The following PPP2CB variants were observed in gnomAD, a reference collection of about 807,000 sequenced individuals.
PPP2CB encodes serine/threonine-protein phosphatase 2A catalytic subunit beta isoform.
A neutral mutation model predicts 39.1 loss-of-function variants in PPP2CB; 18 were observed. The observed-to-expected ratio is 0.46, with a 90% CI of 0.32 to 0.68. The LOEUF (loss-of-function observed/expected upper bound fraction) is 0.68, where lower values mean the gene tolerates loss of function less well. Ranked by LOEUF, PPP2CB falls within the 30% of genes least tolerant of loss-of-function variation. The pLI, the probability that PPP2CB is intolerant of heterozygous loss-of-function variation, is 0.04. For missense variants in PPP2CB, 226 were observed against 396.9 expected, an observed-to-expected ratio of 0.57 and a Z score of 3.66; for synonymous variants, 129 against 133.8, an observed-to-expected ratio of 0.96 and a Z score of 0.25.
intron 1 of PPP2CB, among the ~76,000 whole-genome samples, chr8:30,808,223 C>CGA (rs1377380674): frequency 6.6e-6 from 1 of 151,990 alleles, no homozygotes; most frequent in Non-Finnish European, 1.5e-5. Flanking sequence ...CTCAGCCTCC[C>CGA]GAGTAGCTGG....
At chr8:30,796,892 C>T (rs1806536141) in intron 3 of PPP2CB, among the ~76,000 whole-genome samples, 2 of 152,188 alleles carry the variant, frequency 1.3e-5, no homozygotes, top group African/African-American at 4.8e-5. Flanking sequence ...GTTGCCCAGG[C>T]TGAAGCCCAG....
Position 30,794,173 on chromosome 8 carries a change from T to C in PPP2CB, c.576+19A>G. 1 of 1,610,176 alleles carries C rather than the reference T, an allele frequency of 6.2e-7. No homozygotes were observed. Among genetic ancestry groups the C allele is most frequent in the Non-Finnish European group, 8.5e-7 (1 of 1,178,464 alleles). ...TATATTTTCTTTTCCTTTCTTCTTC[T>C]TTTTTAAATTAAGTTTACCTCATGT... On this transcript the variant is annotated intron_variant, in intron 4 of 6. Coordinates refer to ENST00000221138, the MANE Select transcript of PPP2CB (RefSeq NM_001009552.2).
intron 1 of PPP2CB, among the ~76,000 whole-genome samples, chr8:30,811,558 C>A (rs899896938): frequency 1.4e-5 from 2 of 144,902 alleles, no homozygotes; most frequent in Non-Finnish European, 3.0e-5. Flanking sequence ...GTGGCGCGAT[C>A]TCGACTCACT....
intron 6 of PPP2CB, among the ~76,000 whole-genome samples, chr8:30,790,265 G>A (rs903420382): frequency 6.6e-5 from 10 of 152,110 alleles, no homozygotes; most frequent in African/African-American, 2.4e-4. Flanking sequence ...GGTATGGCTA[G>A]TGCATGTGCA....
intron 3 of PPP2CB, 54 bp downstream of exon 3, chr8:30,797,527 T>G: frequency 6.7e-7 from 1 of 1,493,232 alleles, no homozygotes; most frequent in Non-Finnish European, 9.1e-7. Flanking sequence ...TTACCAATAG[T>G]CAATCTCTGC....
At chr8:30,804,754 T>C (rs1276639304) in intron 1 of PPP2CB, among the ~76,000 whole-genome samples, 2 of 152,198 alleles carry the variant, frequency 1.3e-5, no homozygotes, top group Non-Finnish European at 1.5e-5. Context: ...AGGTACATCA[T>C]GACTAAACTT....
chr8:30,802,998 AAAG>A, intron 1 of PPP2CB, among the ~76,000 whole-genome samples: 1 of 152,346 alleles, frequency 6.6e-6, no homozygotes, highest in South Asian at 2.1e-4. Context: ...TTAGTGACAT[AAAG>A]AAGTGAAAAT....
intron 1 of PPP2CB, among the ~76,000 whole-genome samples, chr8:30,810,514 C>A (rs1464885740): frequency 2.0e-5 from 3 of 152,182 alleles, no homozygotes; most frequent in African/African-American, 7.2e-5. Flanking sequence ...ACACTTTACC[C>A]ATAACTTCAA....
chr8:30,810,315 G>A (rs1375286599), intron 1 of PPP2CB: 1 of 152,274 alleles, frequency 6.6e-6, no homozygotes, highest in Non-Finnish European at 1.5e-5. Flanking sequence ...GCAGTGCATG[G>A]CTGCATGCAC....
intron 5 of PPP2CB, among the ~76,000 whole-genome samples, chr8:30,791,979 T>TGC (rs1806443362): frequency 1.4e-5 from 2 of 146,014 alleles, no homozygotes; most frequent in African/African-American, 5.3e-5. Flanking sequence ...TGTATATGTG[T>TGC]ATATATACGT....
intron 6 of PPP2CB, among the ~76,000 whole-genome samples, chr8:30,789,822 C>T (rs932192724): frequency 5.3e-5 from 8 of 152,290 alleles, no homozygotes; most frequent in Admixed American, 1.3e-4. Flanking sequence ...GCTTATACAA[C>T]GGGGATTTAT....
intron 6 of PPP2CB, among the ~76,000 whole-genome samples, chr8:30,787,260 G>C (rs1806359277): frequency 6.6e-6 from 1 of 152,218 alleles, no homozygotes; most frequent in Admixed American, 6.5e-5. Flanking sequence ...TGGTATCAAG[G>C]ATAATAGTGC....
intron 1 of PPP2CB, among the ~76,000 whole-genome samples, chr8:30,800,674 T>C (rs1029795907): frequency 3.9e-5 from 6 of 152,026 alleles, no homozygotes; most frequent in South Asian, 4.1e-4. Context: ...GGAAGAAAAA[T>C]TTAAAAGCCT....
intron 1 of PPP2CB, among the ~76,000 whole-genome samples, chr8:30,800,985 T>C (rs1051174085): frequency 1.3e-5 from 2 of 150,394 alleles, no homozygotes; most frequent in African/African-American, 2.5e-5. Context: ...GGGGGGAGGA[T>C]AGCTTGAATC....
At chr8:30,787,300 CCTCTT>C (rs1204635839) in intron 6 of PPP2CB, among the ~76,000 whole-genome samples, 2 of 152,160 alleles carry the variant, frequency 1.3e-5, no homozygotes, top group African/African-American at 4.8e-5. Context: ...CAGTAGTCCT[CCTCTT>C]CTGTTTTTTG....
Position 30,799,773 on chromosome 8 carries a change from T to C in PPP2CB, c.103-18A>G, listed in dbSNP as rs1446261995. ...TCCTTTGCCTGTTAGAAAAGTGAAA[T>C]CAACAATTACAAAGTTAAAACTATC... On this transcript the variant is annotated intron_variant, in intron 1 of 6. Coordinates refer to ENST00000221138, the MANE Select transcript of PPP2CB (RefSeq NM_001009552.2). 4 of 1,603,174 alleles carry C rather than the reference T, an allele frequency of 2.5e-6. No individual in the cohort carries two copies. In the African/African-American group the frequency reaches 5.4e-5, roughly 21 times the overall value.
At chr8:30,809,651 A>G (rs73228637) in intron 1 of PPP2CB, among the ~76,000 whole-genome samples, 14,271 of 152,222 alleles carry the variant, frequency 0.094, 703 homozygotes, top group South Asian at 0.13. Flanking sequence ...TTCAAAGAAA[A>G]AAAAATGGGC....
Position 30,800,595 on chromosome 8 carries a change from C to T in PPP2CB, c.103-840G>A, listed in dbSNP as rs570652149. Reference sequence around the variant, plus strand: ...AACACTGGCAAATGAAATGTTCTGACTAAATCGAAGTTCACTAATGGCTCA... The same window carrying T: ...AACACTGGCAAATGAAATGTTCTGATTAAATCGAAGTTCACTAATGGCTCA... On this transcript the variant is annotated intron_variant, in intron 1 of 6. Transcript: ENST00000221138. Among the ~76,000 whole-genome samples, 4 of 152,312 alleles carry T rather than the reference C, an allele frequency of 2.6e-5. No homozygotes were observed. The East Asian group carries it at 7.7e-4, about 29-fold the overall frequency.
chr8:30,809,562 C>T (rs1806788728), intron 1 of PPP2CB, among the ~76,000 whole-genome samples: 1 of 152,086 alleles, frequency 6.6e-6, no homozygotes, highest in South Asian at 2.1e-4. Flanking sequence ...AACCCATTGG[C>T]AACTCCATCA....
Sources: allele counts gnomAD v4.1 joint callset (sites outside exome capture counted in the v4.1 genomes callset), GRCh38; gene constraint gnomAD v4.1.1; transcripts MANE v1.5; gene names NCBI Gene and HGNC (gene_info 2026-07-23, HGNC 2026-07-21).